The following SH3KBP1 variants were observed in gnomAD, a reference collection of about 807,000 sequenced individuals.
The protein encoded by SH3KBP1 is SH3 domain-containing kinase-binding protein 1.
Under a neutral mutation model 50.1 loss-of-function variants are expected in SH3KBP1, and 8 were observed. That is an observed-to-expected ratio of 0.16 (90% CI 0.09 to 0.29). The LOEUF (loss-of-function observed/expected upper bound fraction) is 0.29. Ranked by LOEUF, SH3KBP1 falls within the 10% of genes least tolerant of loss-of-function variation. The pLI, the probability that SH3KBP1 is intolerant of heterozygous loss-of-function variation, is 1.00. For synonymous variants in SH3KBP1, 227 were observed against 218.6 expected (o/e 1.04, Z -0.34); for missense variants, 377 against 535.2 (o/e 0.70, Z 2.92).
At chrX:19,718,773 C>T (rs1487605113) in intron 3 of SH3KBP1, among the ~76,000 whole-genome samples, 4 of 111,391 alleles carry the variant, frequency 3.6e-5, no homozygotes, top group African/African-American at 3.3e-5. Flanking sequence ...GGCTGGTCTA[C>T]GAACACAGCA....
chrX:19,567,363 A>G (rs79282451), intron 13 of SH3KBP1, among the ~76,000 whole-genome samples: 1,189 of 102,472 alleles, frequency 0.012, 56 homozygotes, highest in Admixed American at 0.1. Context: ...TACAAAAAAT[A>G]CAAAAATTAG....
At chrX:19,559,206 A>T (rs1205145688) in intron 13 of SH3KBP1, among the ~76,000 whole-genome samples, 1 of 73,565 alleles carries the variant, frequency 1.4e-5, no homozygotes, top group African/African-American at 5.6e-5. Context: ...CGGGAGGTGG[A>T]GGTTGCAGTG....
chrX:19,767,132 T>C (rs2065644746), intron 2 of SH3KBP1, among the ~76,000 whole-genome samples: 1 of 112,261 alleles, frequency 8.9e-6, no homozygotes, highest in African/African-American at 3.2e-5. Flanking sequence ...GTCATTAACA[T>C]AAAACAAAGT....
chrX:19,718,767 G>A (rs898012658), intron 3 of SH3KBP1, among the ~76,000 whole-genome samples: 2 of 111,502 alleles, frequency 1.8e-5, no homozygotes, highest in Non-Finnish European at 1.9e-5. Flanking sequence ...GGTTGTGGCT[G>A]GTCTACGAAC....
At chrX:19,650,752 T>C (rs896992953) in intron 6 of SH3KBP1, among the ~76,000 whole-genome samples, 2 of 112,049 alleles carry the variant, frequency 1.8e-5, no homozygotes, top group East Asian at 2.8e-4. Flanking sequence ...GCCCATTCAG[T>C]GTGAGGCAGG....
At chrX:19,856,159 C>A (rs1039513724) in intron 1 of SH3KBP1, among the ~76,000 whole-genome samples, 1 of 111,097 alleles carries the variant, frequency 9.0e-6, no homozygotes, top group Non-Finnish European at 1.9e-5. Context: ...CTGCTGTTCC[C>A]CACAGAAGTA....
chrX:19,699,436 A>T (rs2063494655), intron 4 of SH3KBP1, among the ~76,000 whole-genome samples: 1 of 112,220 alleles, frequency 8.9e-6, no homozygotes, highest in African/African-American at 3.2e-5. Flanking sequence ...GGCTGAGAAC[A>T]AATCCCACCT....
intron 2 of SH3KBP1, among the ~76,000 whole-genome samples, chrX:19,825,928 C>T (rs2067658188): frequency 8.9e-6 from 1 of 111,819 alleles, no homozygotes; most frequent in Non-Finnish European, 1.9e-5. Flanking sequence ...TCCTACCTGG[C>T]ATACAGTAAG....
intron 9 of SH3KBP1, among the ~76,000 whole-genome samples, chrX:19,599,952 G>T (rs888402964): frequency 5.5e-5 from 6 of 109,665 alleles, no homozygotes; most frequent in Non-Finnish European, 1.1e-4. Flanking sequence ...TCGAAACCAC[G>T]GTGAAACGCC....
intron 12 of SH3KBP1, among the ~76,000 whole-genome samples, chrX:19,571,178 A>G (rs190516503): frequency 8.9e-6 from 1 of 112,368 alleles, no homozygotes; most frequent in African/African-American, 3.2e-5. Context: ...TACAGCTCCA[A>G]GACTGTCCTG....
chrX:19,701,773 A>G (rs1418454822), intron 4 of SH3KBP1, among the ~76,000 whole-genome samples: 1 of 112,505 alleles, frequency 8.9e-6, no homozygotes, highest in African/African-American at 3.2e-5. Context: ...GCATGTTTCA[A>G]GGGACAGGTT....
At chrX:19,813,153 CA>C (rs1212278891) in intron 2 of SH3KBP1, among the ~76,000 whole-genome samples, 1 of 89,479 alleles carries the variant, frequency 1.1e-5, no homozygotes, top group Non-Finnish European at 2.1e-5. Context: ...CAAAAACAAA[CA>C]AAAAAAAAGA....
intron 12 of SH3KBP1, among the ~76,000 whole-genome samples, chrX:19,587,722 T>A (rs193231402): frequency 2.3e-4 from 26 of 111,487 alleles, no homozygotes; most frequent in African/African-American, 8.2e-4. Flanking sequence ...ATGAATGAGG[T>A]GGGCTGAGAT....
At chrX:19,716,400 G>A (rs962386123) in intron 3 of SH3KBP1, among the ~76,000 whole-genome samples, 5 of 111,921 alleles carry the variant, frequency 4.5e-5, no homozygotes, top group Non-Finnish European at 9.4e-5. Flanking sequence ...ATTTTCACAG[G>A]GATGTGTATA....
At chrX:19,813,415 T>C (rs2067266315) in intron 2 of SH3KBP1, among the ~76,000 whole-genome samples, 1 of 110,240 alleles carries the variant, frequency 9.1e-6, no homozygotes, top group East Asian at 2.8e-4. Flanking sequence ...CTGACATATA[T>C]ATACACCGTG....
intron 2 of SH3KBP1, among the ~76,000 whole-genome samples, chrX:19,786,060 A>T (rs73461668): frequency 0.025 from 2,841 of 112,146 alleles, 91 homozygotes; most frequent in African/African-American, 0.087. Context: ...AATGACTAAG[A>T]TGGTACATTT....
chrX:19,836,372 T>A lies in SH3KBP1; in HGVS notation c.5-90A>T, dbSNP rs956758653. On this transcript the variant is annotated intron_variant, in intron 1 of 17. Coordinates refer to ENST00000397821, the MANE Select transcript of SH3KBP1 (RefSeq NM_031892.3). ...CCCTTGAAGGCCAGTAAAGTAACAT[T>A]AAAGGGACTTCCCCTCTACAAATAT... The A allele has an allele frequency of 6.4e-6, 5 of 779,848 alleles. No homozygotes were observed. The Admixed American group carries it at 1.1e-4, about 17-fold the overall frequency. The allele number at this position is 779,848 out of a possible 1,213,427, so 64.3% of individuals were successfully genotyped here.
chrX:19,563,770 A>G (rs1456296981), intron 13 of SH3KBP1, among the ~76,000 whole-genome samples: 1 of 111,882 alleles, frequency 8.9e-6, no homozygotes, highest in African/African-American at 3.3e-5. Flanking sequence ...GTTCTTCAGC[A>G]CAGGTAACAT....
chrX:19,821,412 T>G (rs1047377463), intron 2 of SH3KBP1, among the ~76,000 whole-genome samples: 31 of 111,530 alleles, frequency 2.8e-4, no homozygotes, highest in Non-Finnish European at 4.5e-4. Flanking sequence ...CAGAAAAAAA[T>G]TAATGACACA....
Sources: allele counts gnomAD v4.1 joint callset (sites outside exome capture counted in the v4.1 genomes callset), GRCh38; gene constraint gnomAD v4.1.1; transcripts MANE v1.5; gene names NCBI Gene and HGNC (gene_info 2026-07-23, HGNC 2026-07-21).